CT45A1: variants seen among roughly 807,000 people sequenced by gnomAD.
CT45A1 encodes the protein cancer/testis antigen family 45 member A1.
chrX:135,714,879 T>C (rs2087965618), intron 1 of CT45A1, among the ~76,000 whole-genome samples: 1 of 106,727 alleles, frequency 9.4e-6, no homozygotes, highest in Non-Finnish European at 1.9e-5. Context: ...TTATTGGTCA[T>C]TTAACTATGT....
intron 1 of CT45A1, among the ~76,000 whole-genome samples, chrX:135,718,598 A>T: frequency 9.1e-6 from 1 of 110,473 alleles, no homozygotes; most frequent in Non-Finnish European, 1.9e-5. Flanking sequence ...TTATACAGCT[A>T]TTTTTCCTAA....
At chrX:135,716,779 G>T (rs2087991463) in intron 1 of CT45A1, among the ~76,000 whole-genome samples, 1 of 109,112 alleles carries the variant, frequency 9.2e-6, no homozygotes, top group Non-Finnish European at 1.9e-5. Context: ...TTACTAGATT[G>T]TCTATCCATC....
upstream of CT45A1, among the ~76,000 whole-genome samples, chrX:135,711,264 G>A (rs782489580): frequency 8.1e-5 from 9 of 111,535 alleles, no homozygotes; most frequent in Non-Finnish European, 1.7e-4. Context: ...CTACATCGAA[G>A]TGAAAACAAT....
upstream of CT45A1, among the ~76,000 whole-genome samples, chrX:135,712,179 C>CTTTTTTTTTTTTTTTTT (rs782572662): frequency 2.0e-3 from 96 of 48,373 alleles, 3 homozygotes; most frequent in African/African-American, 2.9e-3. Flanking sequence ...TTTTTTCTTT[C>CTTTTTTTTTTTTTTTTT]TTTTTTTTTT....
chrX:135,711,584 A>ATGG, upstream of CT45A1, among the ~76,000 whole-genome samples: 1 of 110,831 alleles, frequency 9.0e-6, no homozygotes, highest in African/African-American at 3.3e-5. Context: ...GCAGGTGCCC[A>ATGG]CCACCATGCC....
intron 1 of CT45A1, among the ~76,000 whole-genome samples, chrX:135,717,733 C>G (rs1324195484): frequency 2.7e-5 from 3 of 110,811 alleles, no homozygotes; most frequent in African/African-American, 9.9e-5. Context: ...ATCTCATATT[C>G]TAATTATTTG....
chrX:135,711,139 C>T (rs1187786056), upstream of CT45A1, among the ~76,000 whole-genome samples: 2 of 111,695 alleles, frequency 1.8e-5, no homozygotes, highest in East Asian at 5.6e-4. Context: ...ATTCCAGTCT[C>T]ATGGTTATTC....
At chrX:135,713,183 G>A (rs2148031906), upstream of CT45A1, among the ~76,000 whole-genome samples, 1 of 100,865 alleles carries the variant, frequency 9.9e-6, no homozygotes, top group African/African-American at 3.7e-5. Flanking sequence ...GACCACAGGC[G>A]CCCGCCACCA....
upstream of CT45A1, among the ~76,000 whole-genome samples, chrX:135,711,301 T>C (rs1267788352): frequency 8.9e-6 from 1 of 112,163 alleles, no homozygotes; most frequent in Non-Finnish European, 1.9e-5. Flanking sequence ...CAATCAAATA[T>C]ATTCCAAAAG....
chrX:135,712,996 C>CCTTCCTTCCTTCCTTCCTTCCT (rs1156263810), upstream of CT45A1, among the ~76,000 whole-genome samples: 2,298 of 57,469 alleles, frequency 0.04, 143 homozygotes, highest in East Asian at 0.06. Flanking sequence ...TTCCTTCCTT[C>CCTTCCTTCCTTCCTTCCTTCCT]CTCTCTCTCT....
chrX:135,714,463 T>G lies in CT45A1; in HGVS notation c.-7+773T>G, dbSNP rs147118316. On this transcript the variant is annotated intron_variant, in intron 1 of 4. Coordinates refer to ENST00000594565, the MANE Select transcript of CT45A1 (RefSeq NM_001017417.3). ...CACGTGACCTTGGGAACTCTGTCTCTACCCAGGTTGGGGTGCTTTTCCTCG... is the reference window on the plus strand; with the variant it reads ...CACGTGACCTTGGGAACTCTGTCTCGACCCAGGTTGGGGTGCTTTTCCTCG... Among the ~76,000 whole-genome samples, 383 of 109,322 alleles carry G rather than the reference T, an allele frequency of 3.5e-3. 2 individuals are homozygous for G. The highest frequency in any genetic ancestry group is 0.011 in the African/African-American group (315 of 29,953). 94.9% of individuals were successfully genotyped at this position (109,322 alleles called of 115,157 possible).
chrX:135,713,903 C>G (rs1310406315), intron 1 of CT45A1, among the ~76,000 whole-genome samples: 1 of 106,608 alleles, frequency 9.4e-6, no homozygotes, highest in Non-Finnish European at 1.9e-5. Flanking sequence ...GGCACCTCGT[C>G]TCAGCCATGT....
upstream of CT45A1, among the ~76,000 whole-genome samples, chrX:135,711,704 A>C (rs1463892424): frequency 8.9e-6 from 1 of 112,257 alleles, no homozygotes; most frequent in Admixed American, 9.5e-5. Context: ...TGTTCCATTA[A>C]AACTCCAAAA....
At chrX:135,709,917 T>C (rs1172103094), upstream of CT45A1, among the ~76,000 whole-genome samples, 10 of 112,478 alleles carry the variant, frequency 8.9e-5, no homozygotes, top group African/African-American at 2.9e-4. Flanking sequence ...TTTTAAATCT[T>C]AACCAGATAT....
At chrX:135,714,739 T>A (rs782336472) in intron 1 of CT45A1, among the ~76,000 whole-genome samples, 1 of 110,889 alleles carries the variant, frequency 9.0e-6, no homozygotes, top group Non-Finnish European at 1.9e-5. Context: ...TTTAAAAAAA[T>A]TGTTTTTATT....
intron 1 of CT45A1, among the ~76,000 whole-genome samples, chrX:135,718,309 T>A (rs1342285490): frequency 9.0e-6 from 1 of 111,115 alleles, no homozygotes; most frequent in Non-Finnish European, 1.9e-5. Flanking sequence ...TCACCCTTAG[T>A]TTGGAATTTT....
chrX:135,715,488 T>C (rs1208582389), intron 1 of CT45A1, among the ~76,000 whole-genome samples: 3 of 78,851 alleles, frequency 3.8e-5, no homozygotes, highest in African/African-American at 5.1e-5. Flanking sequence ...TATATAATAC[T>C]TATATGTATA....
intron 1 of CT45A1, among the ~76,000 whole-genome samples, chrX:135,715,484 A>T (rs1472629550): frequency 1.4e-5 from 1 of 69,913 alleles, no homozygotes; most frequent in Non-Finnish European, 2.5e-5. Flanking sequence ...CTTATATATA[A>T]TACTTATATG....
At chrX:135,716,953 T>C (rs2087992490) in intron 1 of CT45A1, among the ~76,000 whole-genome samples, 1 of 111,907 alleles carries the variant, frequency 8.9e-6, no homozygotes, top group Non-Finnish European at 1.9e-5. Context: ...TCCTCTTCCC[T>C]TGGTGTATTT....
Sources: allele counts gnomAD v4.1 joint callset (sites outside exome capture counted in the v4.1 genomes callset), GRCh38; gene constraint gnomAD v4.1.1; transcripts MANE v1.5; gene names NCBI Gene and HGNC (gene_info 2026-07-23, HGNC 2026-07-21).